The following XPR1 variants were observed in gnomAD, a reference collection of about 807,000 sequenced individuals.
XPR1 encodes solute carrier family 53 member 1.
A neutral mutation model predicts 87.5 loss-of-function variants in XPR1; 28 were observed. The ratio of observed to expected loss-of-function variants is 0.32; its 90% CI spans 0.24 to 0.44. XPR1 has a LOEUF of 0.44. Ranked by LOEUF, XPR1 falls within the 20% of genes least tolerant of loss-of-function variation. The pLI, the probability that XPR1 is intolerant of heterozygous loss-of-function variation, is 1.00. For synonymous variants in XPR1, 300 were observed against 306.1 expected (o/e 0.98, Z 0.21); for missense variants, 559 against 862.3 (o/e 0.65, Z 4.41).
chr1:180,825,258 G>T lies in XPR1; in HGVS notation c.1048G>T (p.Ala350Ser). 2 of 1,613,910 alleles carry T rather than the reference G, an allele frequency of 1.2e-6. No individual in the cohort carries two copies. The highest frequency in any genetic ancestry group is 1.7e-6 in the Non-Finnish European group (2 of 1,179,936). The change falls in exon 9 of 15, where the codon GCC becomes TCC. Residue 350 changes from alanine (A) to serine (S), a missense_variant. By Grantham distance (99) the Ala-to-Ser change is moderately conservative. Around this residue, in one of 7 missense-constraint regions of XPR1, gnomAD observed 264 missense variants for 377.2 expected, o/e 0.70. Coordinates refer to ENST00000367590, the MANE Select transcript of XPR1 (RefSeq NM_004736.4). ...CATCCCCACATATGTGTATCCACTT[G>T]CCCTTTATGGATTTATGGTTTTCTT... ...SVIPTYVYPL[A>S]LYGFMVFFLI...
At chr1:180,711,828 G>A (rs1395963779) in intron 2 of XPR1, among the ~76,000 whole-genome samples, 2 of 152,104 alleles carry the variant, frequency 1.3e-5, no homozygotes, top group East Asian at 3.8e-4. Flanking sequence ...TAAAAGCTCT[G>A]TAGTTTTAGG....
At chr1:180,705,512 G>C (rs6692867) in intron 2 of XPR1, among the ~76,000 whole-genome samples, 6,618 of 152,194 alleles carry the variant, frequency 0.043, 504 homozygotes, top group African/African-American at 0.15. Context: ...TTGCTGTGCA[G>C]TTCCAAAATA....
intron 1 of XPR1, among the ~76,000 whole-genome samples, chr1:180,659,094 CCCTCCCTCCCTCCCTT>C (rs1655643907): frequency 2.1e-5 from 2 of 97,032 alleles, no homozygotes; most frequent in African/African-American, 7.8e-5. Context: ...CTTCCTTCCT[CCCTCCCTCCCTCCCTT>C]CCTCCCTCCC....
chr1:180,737,170 A>G (rs950149711), intron 2 of XPR1, among the ~76,000 whole-genome samples: 1 of 152,150 alleles, frequency 6.6e-6, no homozygotes, highest in Admixed American at 6.5e-5. Flanking sequence ...TGGCAGGGGT[A>G]GAAGGGGGTG....
chr1:180,667,901 C>G (rs576405566), intron 1 of XPR1, among the ~76,000 whole-genome samples: 2 of 152,044 alleles, frequency 1.3e-5, no homozygotes, highest in East Asian at 3.9e-4. Context: ...TTTTATAATA[C>G]TTTTTATTTC....
chr1:180,684,145 A>T (rs950049648), intron 2 of XPR1, among the ~76,000 whole-genome samples: 6 of 152,170 alleles, frequency 3.9e-5, no homozygotes, highest in African/African-American at 1.4e-4. Context: ...ATTTTTCTAT[A>T]AGGTGTAAGG....
chr1:180,874,885 A>G (rs746919018), intron 13 of XPR1, among the ~76,000 whole-genome samples: 1 of 152,190 alleles, frequency 6.6e-6, no homozygotes, highest in Non-Finnish European at 1.5e-5. Flanking sequence ...AATGCCTTAA[A>G]ATTTTGTAAA....
intron 1 of XPR1, among the ~76,000 whole-genome samples, chr1:180,647,335 T>A (rs2101900598): frequency 6.6e-6 from 1 of 152,334 alleles, no homozygotes; most frequent in Admixed American, 6.5e-5. Flanking sequence ...ACTAAATTCA[T>A]AAAAATTGTG....
At chr1:180,768,091 G>A (rs951749507) in intron 2 of XPR1, among the ~76,000 whole-genome samples, 6 of 152,134 alleles carry the variant, frequency 3.9e-5, no homozygotes, top group Admixed American at 2.0e-4. Flanking sequence ...TGATCCACCC[G>A]CCTCGGCCTC....
intron 9 of XPR1, among the ~76,000 whole-genome samples, chr1:180,826,940 A>AG (rs1180837518): frequency 6.6e-6 from 1 of 151,800 alleles, no homozygotes; most frequent in Non-Finnish European, 1.5e-5. Context: ...GATCACCTGA[A>AG]GTCCGGAGTT....
intron 2 of XPR1, among the ~76,000 whole-genome samples, chr1:180,778,615 C>G (rs536122761): frequency 6.6e-6 from 1 of 152,076 alleles, no homozygotes; most frequent in Admixed American, 6.6e-5. Context: ...CTAACATACT[C>G]GTGGTTGTCC....
At chr1:180,881,122 G>T (rs541351809) in intron 14 of XPR1, among the ~76,000 whole-genome samples, 1 of 152,224 alleles carries the variant, frequency 6.6e-6, no homozygotes, top group South Asian at 2.1e-4. Flanking sequence ...ATTGTAAAAG[G>T]CTGAAAATGC....
intron 1 of XPR1, among the ~76,000 whole-genome samples, chr1:180,666,509 A>G (rs897465939): frequency 6.6e-6 from 1 of 152,182 alleles, no homozygotes; most frequent in Non-Finnish European, 1.5e-5. Flanking sequence ...TTATTTGGGT[A>G]AGTTAATTAC....
chr1:180,811,662 C>T (rs1019948679), intron 7 of XPR1, among the ~76,000 whole-genome samples, 174 bp downstream of exon 7: 1 of 151,780 alleles, frequency 6.6e-6, no homozygotes, highest in Non-Finnish European at 1.5e-5. Context: ...GTTTTGTTGG[C>T]GTTTTTTCCC....
intron 1 of XPR1, among the ~76,000 whole-genome samples, chr1:180,660,073 T>C (rs1655714615): frequency 6.6e-6 from 1 of 152,152 alleles, no homozygotes; most frequent in Non-Finnish European, 1.5e-5. Context: ...AGGTTTTGAA[T>C]TTTTTCATGG....
intron 2 of XPR1, 72 bp downstream of exon 2, chr1:180,682,483 G>A (rs1656610778): frequency 1.2e-5 from 14 of 1,196,338 alleles, no homozygotes; most frequent in Non-Finnish European, 1.6e-5. Context: ...GTACTGCAGA[G>A]TATAAAACTA....
intron 2 of XPR1, among the ~76,000 whole-genome samples, chr1:180,764,760 G>A (rs959028370): frequency 4.7e-5 from 7 of 149,504 alleles, no homozygotes; most frequent in Admixed American, 2.0e-4. Flanking sequence ...ATGAGCCACC[G>A]TGCCCAGCCT....
chr1:180,636,339 A>G (rs1056394556), intron 1 of XPR1, among the ~76,000 whole-genome samples: 4 of 152,232 alleles, frequency 2.6e-5, no homozygotes, highest in African/African-American at 7.2e-5. Flanking sequence ...AAATCAAAGT[A>G]TAGTATAGTG....
chr1:180,687,746 AAAAT>A (rs1656835457), intron 2 of XPR1, among the ~76,000 whole-genome samples: 1 of 152,106 alleles, frequency 6.6e-6, no homozygotes, highest in South Asian at 2.1e-4. Context: ...ATCTCTATTT[AAAAT>A]AAATGTTTTA....
Sources: gnomAD v4.1 joint callset for allele counts (sites outside exome capture counted in the v4.1 genomes callset) on GRCh38, gnomAD v4.1.1 for gene constraint, gnomAD v4.1.1 regional missense constraint, MANE v1.5 for transcripts, NCBI Gene and HGNC (gene_info 2026-07-23, HGNC 2026-07-21) for gene names.